Variants in NFATC3 observed in about 807,000 individuals in gnomAD.
NFATC3 encodes nuclear factor of activated T cells 3, also known as nuclear factor of activated T-cells, cytoplasmic 3.
Under a neutral mutation model 98.6 loss-of-function variants are expected in NFATC3, and 46 were observed. The ratio of observed to expected loss-of-function variants is 0.47; its 90% CI spans 0.37 to 0.60. The LOEUF is 0.60. Among genes scored for constraint, NFATC3 ranks in the 20% least tolerant of loss-of-function variants. The pLI, the probability that NFATC3 is intolerant of heterozygous loss-of-function variation, is 0.00. For synonymous variants in NFATC3, 512 were observed against 472.2 expected, an observed-to-expected ratio of 1.08 and a Z score of -1.09; for missense variants, 1,256 against 1,295.5, an observed-to-expected ratio of 0.97 and a Z score of 0.47.
At chr16:68,163,645 C>T (rs1394268367) in intron 4 of NFATC3, among the ~76,000 whole-genome samples, 18 of 127,558 alleles carry the variant, frequency 1.4e-4, no homozygotes, top group Admixed American at 4.9e-4. Flanking sequence ...ACTTCTCAGA[C>T]GGGGCAGCTG....
chr16:68,179,696 T>G (rs59498820), intron 6 of NFATC3, among the ~76,000 whole-genome samples: 185 of 152,332 alleles, frequency 1.2e-3, no homozygotes, highest in African/African-American at 4.2e-3. Flanking sequence ...AGTAGTTCAC[T>G]TAGGATGAAG....
At chr16:68,101,110 C>G (rs553603383) in intron 1 of NFATC3, among the ~76,000 whole-genome samples, 5 of 152,100 alleles carry the variant, frequency 3.3e-5, no homozygotes, top group South Asian at 4.2e-4. Context: ...TTTGCCTAAC[C>G]CATGCTCACA....
chr16:68,197,686 A>T (rs1284614986), intron 9 of NFATC3, among the ~76,000 whole-genome samples: 1 of 152,212 alleles, frequency 6.6e-6, no homozygotes, highest in Admixed American at 6.5e-5. Context: ...TAACTTTTTC[A>T]TATTATGTTA....
chr16:68,097,957 CTTTT>C (rs2035105301), intron 1 of NFATC3, among the ~76,000 whole-genome samples: 1 of 151,968 alleles, frequency 6.6e-6, no homozygotes, highest in Non-Finnish European at 1.5e-5. Context: ...AGCATGTACC[CTTTT>C]TTTGCGGGGG....
intron 3 of NFATC3, among the ~76,000 whole-genome samples, chr16:68,135,457 CAAAAAAAAAAAAA>C (rs60331468): frequency 2.5e-5 from 2 of 78,722 alleles, no homozygotes; most frequent in Non-Finnish European, 2.4e-5. Flanking sequence ...GACTCCGTCT[CAAAAAAAAAAAAA>C]AAAAAAAAAA....
intron 1 of NFATC3, among the ~76,000 whole-genome samples, chr16:68,101,552 C>T (rs1185146290): frequency 4.0e-5 from 6 of 151,096 alleles, no homozygotes; most frequent in East Asian, 1.9e-4. Flanking sequence ...GGCGCGATCT[C>T]GGCTCACTGC....
intron 1 of NFATC3, among the ~76,000 whole-genome samples, chr16:68,103,881 A>G (rs1184075188): frequency 1.3e-5 from 2 of 152,190 alleles, no homozygotes; most frequent in African/African-American, 2.4e-5. Flanking sequence ...CTGAACTCTC[A>G]TTTCCATTCC....
intron 2 of NFATC3, among the ~76,000 whole-genome samples, chr16:68,124,523 C>A (rs1319929940): frequency 6.6e-6 from 1 of 151,724 alleles, no homozygotes; most frequent in Non-Finnish European, 1.5e-5. Context: ...AGCTCCGCCT[C>A]CTGGGTTCAC....
Position 68,122,225 on chromosome 16 carries a change from A to G in NFATC3, c.342A>G (p.Thr114=). The part of the protein sequence containing the change: ...KPFECPSIQI[T]SISPNCHQEL... ...TTGAGTGCCCAAGTATTCAAATTAC[A>G]TCTATCTCTCCTAACTGTCATCAAG... is the stretch of plus-strand genomic sequence containing the variant. The change falls in exon 2 of 10, where the codon ACA becomes ACG. Residue 114 remains threonine (T), a synonymous_variant. Transcript: ENST00000346183. 1.2e-6 allele frequency: 2 copies of G among 1,614,128 alleles called. No homozygotes were observed. Among genetic ancestry groups the G allele is most frequent in the South Asian group, 1.1e-5 (1 of 91,078 alleles).
chr16:68,154,147 T>G (rs2038487520), intron 3 of NFATC3, among the ~76,000 whole-genome samples: 1 of 151,950 alleles, frequency 6.6e-6, no homozygotes, highest in Non-Finnish European at 1.5e-5. Context: ...CTTGAACTCC[T>G]GGCCTCAAGC....
intron 9 of NFATC3, among the ~76,000 whole-genome samples, chr16:68,192,539 T>A (rs1412063937): frequency 2.6e-5 from 4 of 151,904 alleles, no homozygotes; most frequent in African/African-American, 9.7e-5. Context: ...TGAAGCTAGA[T>A]GCTGGGAATG....
At chr16:68,188,592 G>A (rs1440325088) in intron 8 of NFATC3, among the ~76,000 whole-genome samples, 23 of 152,190 alleles carry the variant, frequency 1.5e-4, no homozygotes, top group Admixed American at 1.5e-3. Flanking sequence ...TTTTATTAAG[G>A]TATTTCTGAA....
intron 9 of NFATC3, among the ~76,000 whole-genome samples, chr16:68,215,535 G>C (rs1321105770): frequency 6.6e-6 from 1 of 152,166 alleles, no homozygotes; most frequent in African/African-American, 2.4e-5. Flanking sequence ...TAAGAAGGAA[G>C]TATTATGTGG....
At chr16:68,220,805 G>T (rs2041836380) in intron 9 of NFATC3, among the ~76,000 whole-genome samples, 2 of 151,090 alleles carry the variant, frequency 1.3e-5, no homozygotes, top group South Asian at 4.2e-4. Context: ...TATAGTCCCA[G>T]CTACTCGGGA....
intron 3 of NFATC3, among the ~76,000 whole-genome samples, chr16:68,153,422 C>T (rs981784244): frequency 5.3e-5 from 8 of 151,736 alleles, no homozygotes; most frequent in African/African-American, 1.9e-4. Context: ...ACTCCATCCC[C>T]CAAAAAAGAA....
chr16:68,085,622 C>T lies in NFATC3; in HGVS notation c.-60C>T. On this transcript the variant is annotated 5_prime_UTR_variant, in exon 1 of 10. Coordinates refer to ENST00000346183, the MANE Select transcript of NFATC3 (RefSeq NM_173165.3). ...AAGCGGCGTTGAGGAGCTGCTGCCGCCGCTTGCCGCTGCCGCCGCCGCCGC... is the reference window on the plus strand; with the variant it reads ...AAGCGGCGTTGAGGAGCTGCTGCCGTCGCTTGCCGCTGCCGCCGCCGCCGC... The T allele has an allele frequency of 7.0e-7, 1 of 1,428,764 alleles. No homozygotes were observed. The highest frequency in any genetic ancestry group is 9.3e-7 in the Non-Finnish European group (1 of 1,077,776). 88.5% of individuals were successfully genotyped at this position (1,428,764 alleles called of 1,614,324 possible).
At position 68,190,877 on chromosome 16, in the gene NFATC3, A is replaced by C; in HGVS notation, c.2208A>C (p.Ser736=). The change falls in exon 9 of 10, where the codon TCA becomes TCC. Residue 736 remains serine, a synonymous_variant. Transcript: ENST00000346183. ...TQRPSSDSGC[S]HDSVLSGQRS... Reference sequence around the variant, plus strand: ...GGCCTTCCTCTGATTCAGGGTGTTCACATGACAGTGTACTGTCAGGACAGA... The same window carrying C: ...GGCCTTCCTCTGATTCAGGGTGTTCCCATGACAGTGTACTGTCAGGACAGA... The C allele has an allele frequency of 1.9e-6, 3 of 1,614,220 alleles. No individual in the cohort carries two copies. Among genetic ancestry groups the C allele is most frequent in the Non-Finnish European group, 2.5e-6 (3 of 1,180,034 alleles).
intron 1 of NFATC3, chr16:68,089,346 G>T (rs1459752285): frequency 1.1e-6 from 1 of 943,932 alleles, no homozygotes; most frequent in African/African-American, 1.8e-5. Context: ...TGTGACTGAC[G>T]ACTGACTTTT....
intron 6 of NFATC3, among the ~76,000 whole-genome samples, chr16:68,180,294 G>A (rs923568065): frequency 1.3e-5 from 2 of 151,946 alleles, no homozygotes; most frequent in African/African-American, 2.4e-5. Context: ...ATTTTGTGAC[G>A]GCAAGGAATA....
Sources: allele counts gnomAD v4.1 joint callset (sites outside exome capture counted in the v4.1 genomes callset), GRCh38; gene constraint gnomAD v4.1.1; transcripts MANE v1.5; gene names NCBI Gene and HGNC (gene_info 2026-07-23, HGNC 2026-07-21).